The following MAGI1 variants were observed in gnomAD, a reference collection of about 807,000 sequenced individuals.
MAGI1 encodes the protein membrane-associated guanylate kinase, WW and PDZ domain-containing protein 1.
MAGI1 carries 58 observed loss-of-function variants against 139.9 expected under a neutral mutation model. The observed-to-expected ratio is 0.41, with a 90% CI of 0.34 to 0.52. MAGI1 has a LOEUF of 0.52. Ranked by LOEUF, MAGI1 falls within the 20% of genes least tolerant of loss-of-function variation. The probability of loss-of-function intolerance (pLI) is 0.12; values close to 1 mark genes in which losing one functional copy is unlikely to be tolerated. For missense variants in MAGI1, 1,874 were observed against 1,901.6 expected (o/e 0.99, Z 0.27); for synonymous variants, 812 against 737.9 (o/e 1.10, Z -1.63).
intron 1 of MAGI1, among the ~76,000 whole-genome samples, chr3:65,903,994 C>A (rs2061339745): frequency 6.7e-6 from 1 of 150,238 alleles, no homozygotes; most frequent in Admixed American, 6.6e-5. Flanking sequence ...GGTGACAGAG[C>A]AAGACTCTTT....
At chr3:65,378,438 A>C (rs1240649462) in intron 17 of MAGI1, among the ~76,000 whole-genome samples, 1 of 152,212 alleles carries the variant, frequency 6.6e-6, no homozygotes, top group Non-Finnish European at 1.5e-5. Flanking sequence ...GAAAGAACAC[A>C]GATGAGGCAG....
Position 65,496,381 on chromosome 3 carries a change from A to T in MAGI1, c.431-2750T>A, listed in dbSNP as rs144450387. ...AAAGCTCTTTGACTTCAAGGAGAAC[A>T]AGTTTTCGGAGAGTAGGGCAGGAGG... On this transcript the variant is annotated intron_variant, in intron 2 of 22. Transcript: ENST00000402939. 6.7e-3 allele frequency among the ~76,000 whole-genome samples: 1,026 copies of T among 152,214 alleles called. 12 individuals carry two copies. Among genetic ancestry groups the T allele is most frequent in the Middle Eastern group, 0.024 (7 of 294 alleles).
chr3:65,468,799 G>C (rs937264097), intron 5 of MAGI1, among the ~76,000 whole-genome samples: 3 of 151,646 alleles, frequency 2.0e-5, no homozygotes, highest in African/African-American at 7.3e-5. Flanking sequence ...TGTCATGCTT[G>C]GTGACTCACA....
chr3:65,520,124 AC>A (rs2078086456), intron 2 of MAGI1, among the ~76,000 whole-genome samples: 1 of 152,060 alleles, frequency 6.6e-6, no homozygotes, highest in Non-Finnish European at 1.5e-5. Flanking sequence ...CCGTTGAACC[AC>A]CCCACCTACT....
At chr3:65,543,760 G>A (rs113722510) in intron 2 of MAGI1, among the ~76,000 whole-genome samples, 18,625 of 151,940 alleles carry the variant, frequency 0.12, 1,389 homozygotes, top group Admixed American at 0.16. Flanking sequence ...AGGGATGGGG[G>A]GGGGTACAAG....
intron 1 of MAGI1, among the ~76,000 whole-genome samples, chr3:65,951,153 G>A (rs757251580): frequency 7.9e-5 from 12 of 152,122 alleles, no homozygotes; most frequent in Non-Finnish European, 1.6e-4. Context: ...ATGTTGGGCC[G>A]CATTCAAAGC....
chr3:65,508,357 T>C (rs982148285), intron 2 of MAGI1, among the ~76,000 whole-genome samples: 3 of 152,130 alleles, frequency 2.0e-5, no homozygotes, highest in African/African-American at 4.8e-5. Context: ...TGAGCCGAGA[T>C]TGCGCCACTG....
At chr3:66,011,150 C>A (rs2067300230) in intron 1 of MAGI1, among the ~76,000 whole-genome samples, 1 of 152,184 alleles carries the variant, frequency 6.6e-6, no homozygotes, top group South Asian at 2.1e-4. Flanking sequence ...CCTTTCAACT[C>A]TCTGTGACAA....
chr3:65,561,267 G>A (rs1230265371), intron 2 of MAGI1, among the ~76,000 whole-genome samples: 2 of 152,162 alleles, frequency 1.3e-5, no homozygotes, highest in Admixed American at 1.3e-4. Flanking sequence ...TTTTATTAAA[G>A]TATTTTGAGA....
intron 1 of MAGI1, among the ~76,000 whole-genome samples, chr3:65,640,592 C>G (rs2084928082): frequency 6.6e-6 from 1 of 152,162 alleles, no homozygotes; most frequent in African/African-American, 2.4e-5. Flanking sequence ...ACATAGAAAC[C>G]TGTTCTGGTT....
At chr3:65,677,912 G>A (rs891604718) in intron 1 of MAGI1, among the ~76,000 whole-genome samples, 1 of 152,162 alleles carries the variant, frequency 6.6e-6, no homozygotes, top group African/African-American at 2.4e-5. Flanking sequence ...GCAAAGACTT[G>A]GAACCAACCC....
At chr3:65,372,572 T>C (rs1188938697) in intron 18 of MAGI1, among the ~76,000 whole-genome samples, 1 of 152,192 alleles carries the variant, frequency 6.6e-6, no homozygotes, top group Non-Finnish European at 1.5e-5. Context: ...CTTTGAAGCT[T>C]TGAAACTAGG....
At chr3:66,033,239 G>A (rs1427294512) in intron 1 of MAGI1, among the ~76,000 whole-genome samples, 1 of 152,092 alleles carries the variant, frequency 6.6e-6, no homozygotes, top group African/African-American at 2.4e-5. Flanking sequence ...GCCCAGGCTG[G>A]TCTTAAACTC....
chr3:65,890,200 T>A (rs1285567279), intron 1 of MAGI1, among the ~76,000 whole-genome samples: 1 of 151,962 alleles, frequency 6.6e-6, no homozygotes, highest in African/African-American at 2.4e-5. Context: ...CCGTCTCTAC[T>A]AAAAATACAA....
rs1003422030 is a variant in MAGI1 at position 65,355,293 on chromosome 3, T to C, written c.*1085A>G. 1 of 152,242 alleles carries C rather than the reference T, an allele frequency of 6.6e-6. No homozygotes were observed. Among genetic ancestry groups the C allele is most frequent in the Non-Finnish European group, 1.5e-5 (1 of 68,056 alleles). The allele number at this position is 152,242 out of a possible 1,614,324, so 9.4% of individuals were successfully genotyped here. ...TCTACCAACCTAGAGACTTGGACTA[T>C]GGTTTCAAAGTGAAATTGGCATTTC... On this transcript the variant is annotated 3_prime_UTR_variant, in exon 23 of 23. Coordinates refer to ENST00000402939, the MANE Select transcript of MAGI1 (RefSeq NM_001033057.2).
chr3:65,778,038 T>C (rs1477946152), intron 1 of MAGI1, among the ~76,000 whole-genome samples: 1 of 152,180 alleles, frequency 6.6e-6, no homozygotes, highest in East Asian at 1.9e-4. Flanking sequence ...ACATACATCA[T>C]ATTAGGCCAT....
intron 2 of MAGI1, among the ~76,000 whole-genome samples, chr3:65,503,234 C>T (rs945916492): frequency 2.6e-5 from 4 of 152,106 alleles, no homozygotes; most frequent in Non-Finnish European, 4.4e-5. Flanking sequence ...TGATTGTCAT[C>T]CCTATAACAC....
At chr3:65,411,139 G>A (rs1410626522) in intron 12 of MAGI1, among the ~76,000 whole-genome samples, 2 of 152,082 alleles carry the variant, frequency 1.3e-5, no homozygotes, top group Admixed American at 1.3e-4. Context: ...CTTTTTAAGG[G>A]TAGAATTAAG....
intron 1 of MAGI1, among the ~76,000 whole-genome samples, chr3:65,671,475 G>A (rs567304034): frequency 8.5e-5 from 13 of 152,212 alleles, no homozygotes; most frequent in Non-Finnish European, 1.5e-4. Flanking sequence ...AACTGCCACC[G>A]GTTGAAAACC....
Sources: allele counts gnomAD v4.1 joint callset (sites outside exome capture counted in the v4.1 genomes callset), GRCh38; gene constraint gnomAD v4.1.1; transcripts MANE v1.5; gene names NCBI Gene and HGNC (gene_info 2026-07-23, HGNC 2026-07-21).